PDE1C: variants seen among roughly 807,000 people sequenced by gnomAD.
PDE1C encodes the protein phosphodiesterase 1C, also known as dual specificity calcium/calmodulin-dependent 3',5'-cyclic nucleotide phosphodiesterase 1C.
In PDE1C, 62 loss-of-function variants were observed where a neutral mutation model predicts 93.1. The ratio of observed to expected loss-of-function variants is 0.67; its 90% CI spans 0.54 to 0.82. The LOEUF (loss-of-function observed/expected upper bound fraction) is 0.82. Among genes scored for constraint, PDE1C ranks in the 40% least tolerant of loss-of-function variants. The pLI is 0.00. For synonymous variants in PDE1C, 325 were observed against 310.1 expected (o/e 1.05, Z -0.50); for missense variants, 742 against 884.6 (o/e 0.84, Z 2.04).
chr7:32,114,366 T>C (rs987711561), intron 3 of PDE1C, among the ~76,000 whole-genome samples: 1 of 152,038 alleles, frequency 6.6e-6, no homozygotes, highest in Non-Finnish European at 1.5e-5. Flanking sequence ...AAACAAGCAA[T>C]GGGGAAAGGA....
intron 1 of PDE1C, among the ~76,000 whole-genome samples, chr7:32,336,753 C>G (rs1783634687): frequency 6.6e-6 from 1 of 152,164 alleles, no homozygotes; most frequent in African/African-American, 2.4e-5. Context: ...AACTCATAAC[C>G]TTTACACACT....
At chr7:32,087,050 C>T (rs529682126) in intron 3 of PDE1C, among the ~76,000 whole-genome samples, 5 of 152,162 alleles carry the variant, frequency 3.3e-5, no homozygotes, top group South Asian at 4.2e-4. Context: ...AAGAAACTAC[C>T]ATCAGAGTGA....
chr7:31,765,098 T>C (rs2128614095), intron 17 of PDE1C, among the ~76,000 whole-genome samples: 1 of 152,310 alleles, frequency 6.6e-6, no homozygotes, highest in South Asian at 2.1e-4. Flanking sequence ...TCATTTCTAC[T>C]GGTCTCATGA....
chr7:31,772,670 C>T (rs1795574370), intron 17 of PDE1C, among the ~76,000 whole-genome samples: 1 of 152,176 alleles, frequency 6.6e-6, no homozygotes, highest in Admixed American at 6.5e-5. Flanking sequence ...CCGGAATTCA[C>T]AGCAAATGTT....
At position 32,117,266 on chromosome 7, in the gene PDE1C, CAAA is replaced by C. The variant is rs1799034825; in HGVS notation, c.308+52516_308+52518del. Among the ~76,000 whole-genome samples the C allele has an allele frequency of 2.0e-5, 3 of 152,172 alleles. No homozygotes were observed. In the South Asian group the frequency reaches 6.2e-4, roughly 32 times the overall value. On this transcript the variant is annotated intron_variant, in intron 3 of 18. Transcript: ENST00000396193. The stretch of plus-strand genomic sequence containing the variant: ...TAGATAGGCTTTCAAAACTATTTGA[CAAA>C]AAACTATGGCCACGCTCCACTAATA...
rs150825349 is a variant in PDE1C at position 32,246,227 on chromosome 7, C to T, written c.86-36688G>A. ...CGAGCAATCCTCTTGCCTTGGCCCC[C>T]CAAAGTGCTGGGATTACAGGCGTGA... On this transcript the variant is annotated intron_variant, in intron 1 of 18. Transcript: ENST00000396193. Among the ~76,000 whole-genome samples the T allele has an allele frequency of 3.4e-3, 525 of 152,204 alleles. 4 individuals are homozygous for T. The highest frequency in any genetic ancestry group is 0.012 in the African/African-American group (491 of 41,530).
chr7:31,759,718 A>G (rs1794709092), intron 17 of PDE1C, among the ~76,000 whole-genome samples: 1 of 152,218 alleles, frequency 6.6e-6, no homozygotes. Flanking sequence ...ATTATGCTCC[A>G]TGTTTGATTT....
chr7:31,639,689 A>G, the PDE1C span, among the ~76,000 whole-genome samples: 1 of 151,610 alleles, frequency 6.6e-6, no homozygotes, highest in African/African-American at 2.4e-5. Flanking sequence ...GGTGCCTGCC[A>G]CCATGCCCGG....
intron 7 of PDE1C, among the ~76,000 whole-genome samples, chr7:31,853,297 C>T (rs1793577668): frequency 6.6e-6 from 1 of 152,102 alleles, no homozygotes; most frequent in Non-Finnish European, 1.5e-5. Context: ...GCCATGCATG[C>T]TTAGAATCAG....
intron 2 of PDE1C, among the ~76,000 whole-genome samples, chr7:31,934,680 T>G (rs1584058364): frequency 6.6e-6 from 1 of 152,282 alleles, no homozygotes; most frequent in South Asian, 2.1e-4. Flanking sequence ...TGTAAAGTTA[T>G]CTGATTTGTG....
At chr7:32,305,824 T>C (rs554500921) in intron 1 of PDE1C, among the ~76,000 whole-genome samples, 1 of 152,350 alleles carries the variant, frequency 6.6e-6, no homozygotes, top group Non-Finnish European at 1.5e-5. Context: ...AGCAGCCCCA[T>C]GCCAGGACAA....
chr7:31,754,366 C>T (rs938273465), intron 17 of PDE1C, among the ~76,000 whole-genome samples: 1 of 152,214 alleles, frequency 6.6e-6, no homozygotes, highest in African/African-American at 2.4e-5. Context: ...CCATGCAATG[C>T]AGCAATTGTG....
In PDE1C at chr7:32,040,820, C is replaced by A. The variant is rs181747633; in HGVS notation, c.128+10734G>T. Among the ~76,000 whole-genome samples the A allele has an allele frequency of 7.8e-4, 119 of 152,240 alleles. 2 individuals are homozygous for A. In the Middle Eastern group the frequency reaches 0.031, roughly 39 times the overall value. On this transcript the variant is annotated intron_variant, in intron 2 of 17. Coordinates refer to ENST00000396191, the MANE Select transcript of PDE1C (RefSeq NM_001191057.4). Reference sequence around the variant, plus strand: ...CATGTCCCAATGCCTATTGCCCTTACGTAGCTTGATCTCCTGCCCCACCTA... The same window carrying A: ...CATGTCCCAATGCCTATTGCCCTTAAGTAGCTTGATCTCCTGCCCCACCTA...
At chr7:32,128,289 A>G (rs895727581) in intron 3 of PDE1C, among the ~76,000 whole-genome samples, 1 of 151,926 alleles carries the variant, frequency 6.6e-6, no homozygotes, top group African/African-American at 2.4e-5. Context: ...ATAGTTAAAG[A>G]AATATTTATA....
intron 2 of PDE1C, among the ~76,000 whole-genome samples, chr7:31,892,828 T>A (rs1402914517): frequency 6.6e-6 from 1 of 152,168 alleles, no homozygotes; most frequent in Non-Finnish European, 1.5e-5. Flanking sequence ...AAGGAATAAG[T>A]TCTGGTAATC....
intron 6 of PDE1C, among the ~76,000 whole-genome samples, chr7:31,868,055 T>C (rs890093573): frequency 3.3e-5 from 5 of 152,160 alleles, no homozygotes; most frequent in South Asian, 4.1e-4. Flanking sequence ...AGTCTTCCCA[T>C]GTGAAAGCAA....
intron 2 of PDE1C, among the ~76,000 whole-genome samples, chr7:32,047,520 T>C (rs1220028147): frequency 6.6e-6 from 1 of 152,186 alleles, no homozygotes; most frequent in Non-Finnish European, 1.5e-5. Flanking sequence ...TCACTCTTTC[T>C]ACTGAAATTT....
intron 2 of PDE1C, among the ~76,000 whole-genome samples, chr7:31,958,726 G>T (rs1808495436): frequency 6.6e-6 from 1 of 152,116 alleles, no homozygotes; most frequent in South Asian, 2.1e-4. Flanking sequence ...ACTTTGGAAT[G>T]ATTTAGGCAT....
chr7:31,805,092 T>C (rs1449244187), intron 16 of PDE1C, among the ~76,000 whole-genome samples: 1 of 151,760 alleles, frequency 6.6e-6, no homozygotes, highest in South Asian at 2.1e-4. Context: ...GCACACACTT[T>C]CTTGTCTGCC....
Sources: gnomAD v4.1 joint callset for allele counts (sites outside exome capture counted in the v4.1 genomes callset) on GRCh38, gnomAD v4.1.1 for gene constraint, MANE v1.5 for transcripts, NCBI Gene and HGNC (gene_info 2026-07-23, HGNC 2026-07-21) for gene names.